The following ADAMTS3 variants were observed in gnomAD, a reference collection of about 807,000 sequenced individuals.
The protein encoded by ADAMTS3 is ADAM metallopeptidase with thrombospondin type 1 motif 3.
A neutral mutation model predicts 129.0 loss-of-function variants in ADAMTS3; 73 were observed. The observed-to-expected ratio is 0.57, with a 90% confidence interval of 0.47 to 0.69. The LOEUF is 0.69. ADAMTS3 is among the 30% of genes least tolerant of loss of function. The pLI is 0.00. For missense variants in ADAMTS3, 1,457 were observed against 1,514.5 expected (o/e 0.96, Z 0.63); for synonymous variants, 477 against 510.8 (o/e 0.93, Z 0.89).
chr4:72,309,021 A>G (rs1489668313), intron 15 of ADAMTS3, among the ~76,000 whole-genome samples: 1 of 152,004 alleles, frequency 6.6e-6, no homozygotes, highest in African/African-American at 2.4e-5. Flanking sequence ...TGTAATTTTT[A>G]AACTCCTGAT....
At chr4:72,334,511 T>A (rs1335980140) in intron 5 of ADAMTS3, among the ~76,000 whole-genome samples, 1 of 152,206 alleles carries the variant, frequency 6.6e-6, no homozygotes, top group Non-Finnish European at 1.5e-5. Context: ...TTGATAATTA[T>A]GGACCAGGTC....
At chr4:72,390,030 G>A (rs1284016626) in intron 4 of ADAMTS3, among the ~76,000 whole-genome samples, 2 of 152,164 alleles carry the variant, frequency 1.3e-5, no homozygotes, top group Non-Finnish European at 2.9e-5. Flanking sequence ...AGGGGAAGCG[G>A]AACTGGGAAG....
intron 3 of ADAMTS3, among the ~76,000 whole-genome samples, chr4:72,449,690 C>T (rs1251858993): frequency 6.6e-6 from 1 of 151,716 alleles, no homozygotes; most frequent in African/African-American, 2.4e-5. Context: ...CTTCCTGGCC[C>T]CTATTATACC....
chr4:72,527,312 G>T (rs1720841319), intron 3 of ADAMTS3, among the ~76,000 whole-genome samples: 1 of 151,994 alleles, frequency 6.6e-6, no homozygotes, highest in Admixed American at 6.6e-5. Flanking sequence ...AGATAACACT[G>T]TTACTTATTT....
intron 3 of ADAMTS3, among the ~76,000 whole-genome samples, chr4:72,523,507 CTTA>C (rs918665731): frequency 2.0e-5 from 3 of 152,014 alleles, no homozygotes; most frequent in African/African-American, 4.8e-5. Context: ...ACACAGAAAA[CTTA>C]TTGTCTGCCC....
chr4:72,500,410 A>G (rs1009724714), intron 3 of ADAMTS3, among the ~76,000 whole-genome samples: 1 of 151,876 alleles, frequency 6.6e-6, no homozygotes, highest in Non-Finnish European at 1.5e-5. Flanking sequence ...TGGCATGTAC[A>G]TCTCTTTTGG....
intron 3 of ADAMTS3, among the ~76,000 whole-genome samples, chr4:72,426,941 T>C (rs1164165241): frequency 6.6e-6 from 1 of 152,038 alleles, no homozygotes; most frequent in Non-Finnish European, 1.5e-5. Context: ...TCATCCACTC[T>C]ACTTCTTTCT....
At chr4:72,290,781 T>C in intron 20 of ADAMTS3, 74 bp downstream of exon 20, 1 of 1,496,628 alleles carries the variant, frequency 6.7e-7, no homozygotes, top group African/African-American at 1.4e-5. Context: ...AACTGATGTT[T>C]AAGCCAAATT....
intron 4 of ADAMTS3, among the ~76,000 whole-genome samples, chr4:72,368,991 C>A (rs1309702689): frequency 6.6e-6 from 1 of 152,172 alleles, no homozygotes; most frequent in Non-Finnish European, 1.5e-5. Flanking sequence ...TAATAACTAG[C>A]ACTGCTTTCA....
chr4:72,312,672 C>A (rs1370787384), intron 12 of ADAMTS3, among the ~76,000 whole-genome samples: 2 of 152,000 alleles, frequency 1.3e-5, no homozygotes, highest in African/African-American at 4.8e-5. Flanking sequence ...CAAAGCTCAA[C>A]TTAAATCAGC....
chr4:72,325,106 T>C (rs572042583), intron 5 of ADAMTS3, among the ~76,000 whole-genome samples: 10 of 152,122 alleles, frequency 6.6e-5, no homozygotes, highest in Admixed American at 1.3e-4. Context: ...TATTAGAGTA[T>C]GAGAAATGGA....
chr4:72,545,456 G>C (rs987734654), intron 3 of ADAMTS3, among the ~76,000 whole-genome samples: 1 of 152,106 alleles, frequency 6.6e-6, no homozygotes, highest in African/African-American at 2.4e-5. Flanking sequence ...GTCAACAGTA[G>C]TTCTTCCAGA....
chr4:72,309,350 A>C (rs1429199012), intron 15 of ADAMTS3, 47 bp downstream of exon 15: 1 of 1,595,204 alleles, frequency 6.3e-7, no homozygotes, highest in African/African-American at 1.3e-5. Flanking sequence ...CTCAAAAAGT[A>C]CAAATCACAG....
chr4:72,548,649 A>G lies in ADAMTS3; in HGVS notation c.333T>C (p.His111=). 1 of 1,613,818 alleles carries G rather than the reference A, an allele frequency of 6.2e-7. No individual in the cohort carries two copies. The highest frequency in any genetic ancestry group is 8.5e-7 in the Non-Finnish European group (1 of 1,179,770). The change falls in exon 3 of 22, where the codon CAT becomes CAC. Residue 111 remains histidine (H), a synonymous_variant. Transcript: ENST00000286657. ...TATTCCCAGGCACCAGAGATGTCTCATGCCACTCCACAACAGCCCCAGGAG... is the reference window on the plus strand; with the variant it reads ...TATTCCCAGGCACCAGAGATGTCTCGTGCCACTCCACAACAGCCCCAGGAG... ...LVAPGAVVEW[H]ETSLVPGNIT... is the part of the protein sequence containing the mutation.
chr4:72,417,285 G>T (rs1722329645), intron 3 of ADAMTS3, among the ~76,000 whole-genome samples: 1 of 152,182 alleles, frequency 6.6e-6, no homozygotes, highest in Non-Finnish European at 1.5e-5. Context: ...TGCCACTGAA[G>T]CGGTCAGCGA....
At chr4:72,536,478 C>A (rs1368428759) in intron 3 of ADAMTS3, among the ~76,000 whole-genome samples, 1 of 152,146 alleles carries the variant, frequency 6.6e-6, no homozygotes, top group East Asian at 1.9e-4. Flanking sequence ...TCACAAAATG[C>A]TAAAACAAAT....
At chr4:72,479,157 T>C (rs533472275) in intron 3 of ADAMTS3, among the ~76,000 whole-genome samples, 1 of 152,174 alleles carries the variant, frequency 6.6e-6, no homozygotes, top group Non-Finnish European at 1.5e-5. Context: ...CCCATCAAGC[T>C]ACCAATGACT....
chr4:72,345,390 T>C (rs982754466), intron 4 of ADAMTS3, among the ~76,000 whole-genome samples: 1 of 152,172 alleles, frequency 6.6e-6, no homozygotes, highest in South Asian at 2.1e-4. Flanking sequence ...CCTGTTTGTA[T>C]CATCCAATAG....
At chr4:72,294,262 A>G (rs1470366094) in intron 19 of ADAMTS3, among the ~76,000 whole-genome samples, 1 of 152,068 alleles carries the variant, frequency 6.6e-6, no homozygotes, top group Non-Finnish European at 1.5e-5. Context: ...AACTCACAGA[A>G]GTGGAGACTA....
Sources: allele counts gnomAD v4.1 joint callset (sites outside exome capture counted in the v4.1 genomes callset), GRCh38; gene constraint gnomAD v4.1.1; transcripts MANE v1.5; gene names NCBI Gene and HGNC (gene_info 2026-07-23, HGNC 2026-07-21).